SESTD1: variants seen among roughly 807,000 people sequenced by gnomAD.
The protein encoded by SESTD1 is SEC14 domain and spectrin repeat-containing protein 1.
Under a neutral mutation model 101.7 loss-of-function variants are expected in SESTD1, and 43 were observed. The observed-to-expected ratio is 0.42, with a 90% CI of 0.33 to 0.55. The LOEUF (loss-of-function observed/expected upper bound fraction) is 0.55. Among genes scored for constraint, SESTD1 ranks in the 20% least tolerant of loss-of-function variants. The pLI is 0.07. For synonymous variants in SESTD1, 283 were observed against 286.8 expected (o/e 0.99, Z 0.13); for missense variants, 647 against 815.1 (o/e 0.79, Z 2.51).
chr2:179,243,631 A>C (rs1369294360), intron 1 of SESTD1, among the ~76,000 whole-genome samples: 9 of 152,200 alleles, frequency 5.9e-5, no homozygotes, highest in African/African-American at 1.4e-4. Context: ...GCTAGAGGAC[A>C]TCATCGTAAG....
intron 1 of SESTD1, among the ~76,000 whole-genome samples, chr2:179,227,773 T>C (rs971890581): frequency 6.6e-6 from 1 of 152,180 alleles, no homozygotes; most frequent in Admixed American, 6.5e-5. Flanking sequence ...ACTAGAAATT[T>C]TGGGGGGAAA....
chr2:179,167,620 T>C (rs1033306946), intron 5 of SESTD1, among the ~76,000 whole-genome samples: 9 of 147,912 alleles, frequency 6.1e-5, no homozygotes, highest in Non-Finnish European at 7.4e-5. Flanking sequence ...ATGAAAAATC[T>C]TGAAAGTGCC....
In SESTD1 at chr2:179,202,564, T is replaced by A. The variant is rs1186212205; in HGVS notation, c.-25-10698A>T. 1.5e-5 allele frequency among the ~76,000 whole-genome samples: 2 copies of A among 135,234 alleles called. 1 individual carries two copies. Among genetic ancestry groups the A allele is most frequent in the Non-Finnish European group, 3.2e-5 (2 of 62,944 alleles). The allele number at this position is 135,234 out of a possible 152,430, so 88.7% of individuals were successfully genotyped here. A position where few individuals can be genotyped will look rare whatever the true frequency, so the allele number is the denominator to read the frequency against. On this transcript the variant is annotated intron_variant, in intron 1 of 17. Transcript: ENST00000428443. ...CTGCTGAACACATACTTTCTGTGTC[T>A]AATTAAATTCAAACACTTTTTCCTT...
At chr2:179,132,537 T>C (rs2045035169) in intron 9 of SESTD1, 111 bp from the exon 10 acceptor site, 1 of 1,216,098 alleles carries the variant, frequency 8.2e-7, no homozygotes, top group Non-Finnish European at 1.1e-6. Flanking sequence ...TAATGTAAAT[T>C]ATTTACATTC....
intron 1 of SESTD1, among the ~76,000 whole-genome samples, chr2:179,238,243 C>G (rs897696210): frequency 2.0e-5 from 3 of 152,038 alleles, no homozygotes; most frequent in African/African-American, 7.2e-5. Flanking sequence ...CTTGCTGTCT[C>G]AGGGGTGACA....
chr2:179,198,401 C>A (rs994461102), intron 1 of SESTD1, among the ~76,000 whole-genome samples: 2 of 152,166 alleles, frequency 1.3e-5, no homozygotes, highest in Non-Finnish European at 2.9e-5. Context: ...ATCAATGACA[C>A]AGAAAGCCAA....
chr2:179,148,202 G>A (rs1423081825), intron 7 of SESTD1, among the ~76,000 whole-genome samples: 3 of 152,156 alleles, frequency 2.0e-5, no homozygotes, highest in Non-Finnish European at 4.4e-5. Flanking sequence ...ATAACAACAA[G>A]CATTTTATTA....
rs2044289749 is a variant in SESTD1 at position 179,102,345 on chromosome 2, A to C, written c.*7554T>G. 1 of 152,164 alleles carries C rather than the reference A, an allele frequency of 6.6e-6. No individual in the cohort carries two copies. The highest frequency in any genetic ancestry group is 1.5e-5 in the Non-Finnish European group (1 of 68,028). The allele number at this position is 152,164 out of a possible 1,614,324, so 9.4% of individuals were successfully genotyped here. A position where few individuals can be genotyped will look rare whatever the true frequency, so the allele number is the denominator to read the frequency against. The stretch of plus-strand genomic sequence containing the variant: ...ACTGTTAGAAACAATTTAAACCTTT[A>C]CAAAAAATAACTCAAATTGATTCAA... On this transcript the variant is annotated 3_prime_UTR_variant, in exon 18 of 18. Transcript: ENST00000428443.
intron 1 of SESTD1, among the ~76,000 whole-genome samples, chr2:179,221,186 A>G (rs1385273024): frequency 6.6e-6 from 1 of 152,204 alleles, no homozygotes; most frequent in African/African-American, 2.4e-5. Context: ...TAGTTTTTAA[A>G]AAAGGTTAAA....
Position 179,109,781 on chromosome 2 carries a change from A to G in SESTD1, c.*118T>C. The G allele has an allele frequency of 7.6e-7, 1 of 1,324,116 alleles. No homozygotes were observed. The highest frequency in any genetic ancestry group is 1.5e-5 in the South Asian group (1 of 67,068). The allele number at this position is 1,324,116 out of a possible 1,614,324, so 82.0% of individuals were successfully genotyped here. A position where few individuals can be genotyped will look rare whatever the true frequency, so the allele number is the denominator to read the frequency against. On this transcript the variant is annotated 3_prime_UTR_variant, in exon 18 of 18. Transcript: ENST00000428443. The stretch of plus-strand genomic sequence containing the variant: ...AACATGTAAAGAGAAATGTGTCATG[A>G]AAAGAAATGAGACTTATTTTGGCTG...
rs1416667642 is a variant in SESTD1 at position 179,210,612 on chromosome 2, A to G, written c.-25-18746T>C. On this transcript the variant is annotated intron_variant, in intron 1 of 17. Coordinates refer to ENST00000428443, the MANE Select transcript of SESTD1 (RefSeq NM_178123.5). ...TAATCATCTCAATAGATGCTGAAAA[A>G]GCATTTGACAAAATCCAGCATCACT... Among the ~76,000 whole-genome samples the G allele has an allele frequency of 1.5e-5, 2 of 135,298 alleles. 1 individual carries two copies. The highest frequency in any genetic ancestry group is 3.2e-5 in the Non-Finnish European group (2 of 62,804). 88.8% of individuals were successfully genotyped at this position (135,298 alleles called of 152,430 possible).
chr2:179,252,770 G>A (rs1263919872), intron 1 of SESTD1, among the ~76,000 whole-genome samples: 1 of 152,180 alleles, frequency 6.6e-6, no homozygotes, highest in Non-Finnish European at 1.5e-5. Context: ...GTTAATAGGT[G>A]ACTTGACCTC....
intron 1 of SESTD1, among the ~76,000 whole-genome samples, chr2:179,250,808 T>C (rs2047306026): frequency 6.6e-6 from 1 of 152,186 alleles, no homozygotes. Flanking sequence ...TTAACATTCA[T>C]ATAGTTAGTG....
chr2:179,167,752 T>A (rs1334889093), intron 5 of SESTD1, among the ~76,000 whole-genome samples: 1 of 152,142 alleles, frequency 6.6e-6, no homozygotes. Context: ...CTTTTAATTT[T>A]ATTTAATTTT....
At chr2:179,212,903 A>T (rs1464437339) in intron 1 of SESTD1, among the ~76,000 whole-genome samples, 1 of 134,778 alleles carries the variant, frequency 7.4e-6, no homozygotes, top group Non-Finnish European at 1.6e-5. Context: ...CAGCTGAGGG[A>T]CCTGACTGTT....
rs891342204 is a variant in SESTD1 at position 179,209,465 on chromosome 2, C to T, written c.-25-17599G>A. On this transcript the variant is annotated intron_variant, in intron 1 of 17. Coordinates refer to ENST00000428443, the MANE Select transcript of SESTD1 (RefSeq NM_178123.5). ...GGAACATTCTCCAAGACAGATCATACGATAAGCCAAAAAACAAGTCTAATA... is the reference window on the plus strand; with the variant it reads ...GGAACATTCTCCAAGACAGATCATATGATAAGCCAAAAAACAAGTCTAATA... 8.9e-5 allele frequency among the ~76,000 whole-genome samples: 12 copies of T among 134,304 alleles called. 3 individuals carry two copies. In the East Asian group the frequency reaches 1.2e-3, roughly 13 times the overall value. The allele number at this position is 134,304 out of a possible 152,430, so 88.1% of individuals were successfully genotyped here.
chr2:179,170,443 AC>A (rs2045912445), intron 5 of SESTD1, among the ~76,000 whole-genome samples: 1 of 152,184 alleles, frequency 6.6e-6, no homozygotes, highest in Non-Finnish European at 1.5e-5. Flanking sequence ...CATCTGTGAT[AC>A]TGTGATATAA....
chr2:179,130,829 C>T (rs1183593871), intron 10 of SESTD1, among the ~76,000 whole-genome samples: 1 of 151,760 alleles, frequency 6.6e-6, no homozygotes, highest in African/African-American at 2.4e-5. Flanking sequence ...CTAGAACAGT[C>T]TACCAGGTTC....
intron 9 of SESTD1, among the ~76,000 whole-genome samples, chr2:179,139,506 T>G (rs751392945): frequency 1.5e-4 from 23 of 152,246 alleles, no homozygotes; most frequent in Non-Finnish European, 2.4e-4. Context: ...TGCTTCCTCA[T>G]AGTTGTTTGG....
Sources: allele counts gnomAD v4.1 joint callset (sites outside exome capture counted in the v4.1 genomes callset), GRCh38; gene constraint gnomAD v4.1.1; transcripts MANE v1.5; gene names NCBI Gene and HGNC (gene_info 2026-07-23, HGNC 2026-07-21).